The following POLR1C variants were observed in gnomAD, a reference collection of about 807,000 sequenced individuals.
POLR1C encodes the protein RNA polymerase I and III subunit C, also known as DNA-directed RNA polymerases I and III subunit RPAC1.
In POLR1C, 42 loss-of-function variants were observed where a neutral mutation model predicts 38.3. The ratio of observed to expected loss-of-function variants is 1.10; its 90% CI spans 0.86 to 1.42. POLR1C has a LOEUF of 1.42. POLR1C is among the 40% of genes most tolerant of loss of function. The pLI is 0.00. For synonymous variants in POLR1C, 163 were observed against 163.9 expected, an observed-to-expected ratio of 0.99 and a Z score of 0.04; for missense variants, 507 against 450.5, an observed-to-expected ratio of 1.13 and a Z score of -1.14.
At chr6:43,524,407 T>C, downstream of POLR1C, 1 of 1,547,858 alleles carries the variant, frequency 6.5e-7, no homozygotes, top group Non-Finnish European at 8.7e-7. Flanking sequence ...AGCTGGTTTA[T>C]GGTTTGCCCA....
chr6:43,531,682 G>A (rs1793989127), downstream of POLR1C: 1 of 932,938 alleles, frequency 1.1e-6, no homozygotes, highest in Non-Finnish European at 1.7e-6. Flanking sequence ...ATGTGTGCAT[G>A]TCTGGTGCTG....
intron 8 of POLR1C, chr6:43,527,718 C>G: frequency 6.2e-7 from 1 of 1,613,968 alleles, no homozygotes; most frequent in Non-Finnish European, 8.5e-7. Context: ...TCATCTGCAG[C>G]CTCATCTTCT....
chr6:43,560,497 G>A (rs1561882620), intron 10 of POLR1C, among the ~76,000 whole-genome samples: 3 of 152,132 alleles, frequency 2.0e-5, no homozygotes. Context: ...GTGGATCAAG[G>A]AAATTACCTG....
At chr6:43,537,196 T>C (rs1173964222) in intron 9 of POLR1C, among the ~76,000 whole-genome samples, 1 of 149,934 alleles carries the variant, frequency 6.7e-6, no homozygotes, top group East Asian at 1.9e-4. Flanking sequence ...GGTCTCAAAC[T>C]CCTGGCCCCA....
At chr6:43,547,643 C>G in intron 9 of POLR1C, 3 of 1,614,046 alleles carry the variant, frequency 1.9e-6, no homozygotes, top group Non-Finnish European at 2.5e-6. Context: ...TCCTCCAGGC[C>G]TGGGTCACAG....
At chr6:43,524,978 C>T, downstream of POLR1C, 1 of 1,612,258 alleles carries the variant, frequency 6.2e-7, no homozygotes, top group Non-Finnish European at 8.5e-7. Context: ...CCTGGGGAGA[C>T]AACTGTGCTT....
intron 10 of POLR1C, among the ~76,000 whole-genome samples, chr6:43,557,885 C>T (rs894343744): frequency 2.0e-5 from 3 of 150,436 alleles, no homozygotes; most frequent in African/African-American, 2.4e-5. Context: ...GACCTGAGGT[C>T]GGGAGTTCGA....
intron 9 of POLR1C, chr6:43,544,401 GAA>G (rs1285528751): frequency 6.6e-6 from 1 of 152,196 alleles, no homozygotes; most frequent in Non-Finnish European, 1.5e-5. Flanking sequence ...ACTAGAAATT[GAA>G]AAGAGATTAT....
rs1582234211 is a variant in POLR1C at position 43,557,669 on chromosome 6, T to C, written c.*49-3731T>C. 2.0e-5 allele frequency among the ~76,000 whole-genome samples: 3 copies of C among 149,954 alleles called. No individual in the cohort carries two copies. In the South Asian group the frequency reaches 6.3e-4, roughly 31 times the overall value. Reference sequence around the variant, plus strand: ...TTTTTGGGGTGATGAAAATATAATCTAAAATTGATTGTGGTGATGGCTGCA... The same window carrying C: ...TTTTTGGGGTGATGAAAATATAATCCAAAATTGATTGTGGTGATGGCTGCA... On this transcript the variant is annotated intron_variant, in intron 10 of 10. Transcript: ENST00000607635.
chr6:43,556,831 A>G (rs1235759738), intron 10 of POLR1C, among the ~76,000 whole-genome samples: 1 of 152,182 alleles, frequency 6.6e-6, no homozygotes, highest in African/African-American at 2.4e-5. Context: ...AAATATTAGC[A>G]ATAAAAAGAA....
chr6:43,521,901 G>GT (rs1793212636), downstream of POLR1C, among the ~76,000 whole-genome samples: 1 of 152,166 alleles, frequency 6.6e-6, no homozygotes, highest in African/African-American at 2.4e-5. Flanking sequence ...TCCAGCCCGG[G>GT]TAACAGTGAG....
At position 43,519,793 on chromosome 6, in the gene POLR1C, A is replaced by T. The variant is rs55653636; in HGVS notation, c.337A>T (p.Ile113Phe). ...DEILAHRLGL[I>F]PIHADPRLFE... ...GATTCTTGCTCACCGTCTGGGGCTC[A>T]TTCCCATTCATGCTGATCCCCGTCT... Residue 113 changes from isoleucine (I) to phenylalanine (F), a missense_variant, in exon 4 of 9, where the codon ATT becomes TTT. Physicochemically the swap from Ile to Phe is conservative, Grantham distance 21. Transcript: ENST00000642195. 6.2e-7 allele frequency: 1 copy of T among 1,614,186 alleles called. No individual in the cohort carries two copies. The highest frequency in any genetic ancestry group is 8.5e-7 in the Non-Finnish European group (1 of 1,180,044).
chr6:43,528,236 A>G, intron 8 of POLR1C: 2 of 1,568,458 alleles, frequency 1.3e-6, no homozygotes, highest in Non-Finnish European at 1.7e-6. Flanking sequence ...TAAATGCTAG[A>G]ATTGGGGAAA....
chr6:43,519,463 G>A, intron 3 of POLR1C, 23 bp downstream of exon 3: 2 of 1,556,624 alleles, frequency 1.3e-6, no homozygotes, highest in Non-Finnish European at 8.9e-7. Context: ...ATGGTGACAA[G>A]GCTGGAGTTG....
At chr6:43,523,840 G>T, downstream of POLR1C, 2 of 1,613,986 alleles carry the variant, frequency 1.2e-6, no homozygotes, top group South Asian at 2.2e-5. Context: ...GACAAGAAAG[G>T]CCGAGGAAGG....
Position 43,520,990 on chromosome 6 carries a change from C to T in POLR1C, c.864C>T (p.Phe288=). The T allele has an allele frequency of 6.2e-7, 1 of 1,614,140 alleles. No homozygotes were observed. Among genetic ancestry groups the T allele is most frequent in the Non-Finnish European group, 8.5e-7 (1 of 1,180,034 alleles). ...PRLDTFSREI[F]RNEKLKKVVR... ...TGGATACCTTCAGCAGAGAAATCTT[C>T]CGGAATGAGAAGCTAAAGAAGGTTG... The change falls in exon 8 of 9, where the codon TTC becomes TTT. Residue 288 remains phenylalanine, a synonymous_variant. Transcript: ENST00000642195.
At chr6:43,562,143 C>CA (rs1762450328) in exon 11 of POLR1C, 1 of 803,124 alleles carries the variant, frequency 1.2e-6, no homozygotes, top group African/African-American at 1.7e-5. Context: ...ACTGCCCCAT[C>CA]AGGCTAAAAT....
downstream of POLR1C, chr6:43,525,705 G>A: frequency 1.1e-6 from 1 of 931,490 alleles, no homozygotes; most frequent in Non-Finnish European, 1.6e-6. Context: ...TTTTTCTGGG[G>A]CCTTTGGAAC....
rs917482354 is a variant in POLR1C, at chr6:43,529,151, C to T, written c.923-98C>T. 5.2e-6 allele frequency: 7 copies of T among 1,355,922 alleles called. No individual in the cohort carries two copies. The Admixed American group carries it at 1.2e-4, about 24-fold the overall frequency. The allele number at this position is 1,355,922 out of a possible 1,614,324, so 84.0% of individuals were successfully genotyped here. On this transcript the variant is annotated intron_variant, in intron 8 of 8. Coordinates refer to the POLR1C transcript ENST00000304004. The stretch of plus-strand genomic sequence containing the variant: ...GTTTAGCTGCATTTCCGTCAGGCTG[C>T]ACATTATGGTCACTGGCCCAAAAAG...
Sources: allele counts gnomAD v4.1 joint callset (sites outside exome capture counted in the v4.1 genomes callset), GRCh38; gene constraint gnomAD v4.1.1; transcripts MANE v1.5; gene names NCBI Gene and HGNC (gene_info 2026-07-23, HGNC 2026-07-21).